Variants in MAP3K13 observed in about 807,000 individuals in gnomAD.
MAP3K13 encodes the protein mitogen-activated protein kinase kinase kinase 13.
A neutral mutation model predicts 104.0 loss-of-function variants in MAP3K13; 52 were observed. The ratio of observed to expected loss-of-function variants is 0.50; its 90% CI spans 0.40 to 0.63. MAP3K13 has a LOEUF of 0.63. Among genes scored for constraint, MAP3K13 ranks in the 20% least tolerant of loss-of-function variants. MAP3K13 has a pLI of 0.00. For missense variants in MAP3K13, 914 were observed against 1,218.5 expected, an observed-to-expected ratio of 0.75 and a Z score of 3.72; for synonymous variants, 394 against 442.2, an observed-to-expected ratio of 0.89 and a Z score of 1.37.
intron 2 of MAP3K13, among the ~76,000 whole-genome samples, chr3:185,432,954 T>A (rs954179345): frequency 6.3e-4 from 96 of 152,292 alleles, no homozygotes; most frequent in African/African-American, 2.0e-3. Context: ...CAAATTTCCT[T>A]GTCAGGTCTG....
upstream of MAP3K13, among the ~76,000 whole-genome samples, chr3:185,359,144 G>A (rs538744538): frequency 3.9e-5 from 6 of 152,234 alleles, no homozygotes; most frequent in South Asian, 2.1e-4. Flanking sequence ...GGGAAACCTC[G>A]CAATTATGGT....
chr3:185,360,751 C>T (rs534768087), upstream of MAP3K13, among the ~76,000 whole-genome samples: 3 of 151,590 alleles, frequency 2.0e-5, no homozygotes, highest in East Asian at 3.9e-4. Flanking sequence ...TACTCCCATC[C>T]ATAGTGGACT....
chr3:185,361,173 A>G (rs1426085235), upstream of MAP3K13, among the ~76,000 whole-genome samples: 3 of 150,658 alleles, frequency 2.0e-5, no homozygotes, highest in Non-Finnish European at 4.4e-5. Context: ...ATGTGTGTGT[A>G]TATATTATAT....
At chr3:185,286,756 G>A (rs1360397495) in intron 2 of MAP3K13, among the ~76,000 whole-genome samples, 2 of 152,008 alleles carry the variant, frequency 1.3e-5, no homozygotes, top group Non-Finnish European at 2.9e-5. Context: ...ACCAGTGTAA[G>A]GAATTATTGA....
chr3:185,470,998 T>C (rs1252822320), intron 10 of MAP3K13, among the ~76,000 whole-genome samples: 1 of 152,100 alleles, frequency 6.6e-6, no homozygotes, highest in Non-Finnish European at 1.5e-5. Context: ...CCTTTAAAGG[T>C]ATTTTCAGAT....
rs1718506621 is a variant in MAP3K13, at chr3:185,482,245, T to C, written c.2800-110T>C. ...CACAAGGACAGGACCTGGTCTCGTT[T>C]ACCTTTGTAGCCCCCTTACCAAGCA... On this transcript the variant is annotated intron_variant, in intron 13 of 13. Coordinates refer to ENST00000265026, the MANE Select transcript of MAP3K13 (RefSeq NM_004721.5). The surrounding 1 kb of genome is among the most constrained non-coding windows in gnomAD (Gnocchi z 4.5). The C allele has an allele frequency of 3.9e-6, 3 of 760,888 alleles. No homozygotes were observed. Among genetic ancestry groups the C allele is most frequent in the Non-Finnish European group, 7.0e-6 (3 of 430,088 alleles). 47.1% of individuals were successfully genotyped at this position (760,888 alleles called of 1,614,324 possible).
chr3:185,358,627 G>T (rs190252333), upstream of MAP3K13, among the ~76,000 whole-genome samples: 1,482 of 48,952 alleles, frequency 0.03, 14 homozygotes, highest in Non-Finnish European at 0.062. Context: ...TTTAATGGGA[G>T]CTGGACAGAG....
At chr3:185,434,980 T>G (rs1714943948) in intron 2 of MAP3K13, among the ~76,000 whole-genome samples, 1 of 151,882 alleles carries the variant, frequency 6.6e-6, no homozygotes, top group Non-Finnish European at 1.5e-5. Flanking sequence ...TTTTTTTATT[T>G]TTGTTTTTGT....
intron 2 of MAP3K13, among the ~76,000 whole-genome samples, chr3:185,307,544 C>A (rs1435723754): frequency 4.0e-4 from 17 of 42,580 alleles, no homozygotes; most frequent in East Asian, 3.3e-3. Flanking sequence ...GTGCACCACC[C>A]CCTCCCCCGC....
intron 2 of MAP3K13, among the ~76,000 whole-genome samples, chr3:185,313,866 C>A (rs1018703958): frequency 2.0e-5 from 3 of 152,180 alleles, no homozygotes; most frequent in African/African-American, 7.2e-5. Flanking sequence ...GCACTCTAAC[C>A]AAGGAGGAAT....
chr3:185,459,696 C>T (rs553833925), intron 7 of MAP3K13, among the ~76,000 whole-genome samples: 2 of 152,180 alleles, frequency 1.3e-5, no homozygotes, highest in Admixed American at 6.5e-5. Context: ...GTGATCCACC[C>T]GCCTCAGCCT....
chr3:185,429,594 G>C (rs892500085), intron 2 of MAP3K13, among the ~76,000 whole-genome samples: 3 of 151,906 alleles, frequency 2.0e-5, no homozygotes, highest in Non-Finnish European at 4.4e-5. Flanking sequence ...CTTCAGCCTG[G>C]GTGACAGAGT....
At chr3:185,464,021 C>T (rs190629255) in intron 8 of MAP3K13, among the ~76,000 whole-genome samples, 1 of 152,268 alleles carries the variant, frequency 6.6e-6, no homozygotes, top group East Asian at 1.9e-4. Flanking sequence ...CAGTGGCTCA[C>T]ACCTGTAATC....
At chr3:185,335,790 T>C (rs529497296) in intron 2 of MAP3K13, among the ~76,000 whole-genome samples, 2 of 152,310 alleles carry the variant, frequency 1.3e-5, no homozygotes, top group Admixed American at 1.3e-4. Flanking sequence ...TCAGTACAGA[T>C]GCAATTTTTT....
chr3:185,335,732 A>G (rs1722477684), intron 2 of MAP3K13, among the ~76,000 whole-genome samples: 1 of 152,178 alleles, frequency 6.6e-6, no homozygotes, highest in African/African-American at 2.4e-5. Context: ...TGCTATGTGA[A>G]TCATTGTTAT....
At chr3:185,286,860 T>C (rs1476317120) in intron 2 of MAP3K13, among the ~76,000 whole-genome samples, 1 of 142,500 alleles carries the variant, frequency 7.0e-6, no homozygotes, top group Non-Finnish European at 1.5e-5. Flanking sequence ...GCTGGGTTGA[T>C]TTTTTTTTTT....
At chr3:185,319,745 C>T (rs1180726577) in intron 2 of MAP3K13, among the ~76,000 whole-genome samples, 2 of 152,154 alleles carry the variant, frequency 1.3e-5, no homozygotes, top group Admixed American at 6.5e-5. Flanking sequence ...AGAATTCTAC[C>T]AACCTCCTAA....
chr3:185,465,277 A>T (rs1717346336), intron 8 of MAP3K13, among the ~76,000 whole-genome samples: 1 of 152,116 alleles, frequency 6.6e-6, no homozygotes, highest in South Asian at 2.1e-4. Context: ...CATCTGGCCA[A>T]CCCCACCTCT....
At chr3:185,455,765 A>G (rs1346140954) in intron 7 of MAP3K13, among the ~76,000 whole-genome samples, 2 of 102,768 alleles carry the variant, frequency 1.9e-5, no homozygotes, top group Non-Finnish European at 3.7e-5. Flanking sequence ...TATATGAGAT[A>G]TATATATGAT....
Sources: gnomAD v4.1 joint callset for allele counts (sites outside exome capture counted in the v4.1 genomes callset) on GRCh38, gnomAD v4.1.1 for gene constraint, Gnocchi (gnomAD v3.1) non-coding constraint, MANE v1.5 for transcripts, NCBI Gene and HGNC (gene_info 2026-07-23, HGNC 2026-07-21) for gene names.